Variants in UBE2F observed in about 807,000 individuals in gnomAD.
UBE2F encodes ubiquitin conjugating enzyme E2 F (putative).
UBE2F carries 5 observed loss-of-function variants against 29.6 expected under a neutral mutation model. The observed-to-expected ratio is 0.17, with a 90% confidence interval of 0.09 to 0.36. The LOEUF is 0.36. Among genes scored for constraint, UBE2F ranks in the 10% least tolerant of loss-of-function variants. The pLI, the probability that UBE2F is intolerant of heterozygous loss-of-function variation, is 1.00. For missense variants in UBE2F, 141 were observed against 228.5 expected (o/e 0.62, Z 2.47); for synonymous variants, 66 against 81.8 (o/e 0.81, Z 1.04).
chr2:238,003,254 T>C (rs1377363565), intron 4 of UBE2F: 1 of 366,886 alleles, frequency 2.7e-6, no homozygotes, highest in Non-Finnish European at 5.8e-6. Context: ...CCAATTTTCT[T>C]GCGATGTAGA....
At chr2:237,986,142 C>CTTTT (rs66771814) in intron 2 of UBE2F, 17 of 261,070 alleles carry the variant, frequency 6.5e-5, no homozygotes, top group South Asian at 1.4e-4. Context: ...CTTTTCTTTT[C>CTTTT]TTTTTTTTTT....
chr2:237,969,836 TG>T (rs1310240010), intron 1 of UBE2F, among the ~76,000 whole-genome samples: 3 of 152,188 alleles, frequency 2.0e-5, no homozygotes, highest in Non-Finnish European at 4.4e-5. Flanking sequence ...ACTATTTGCC[TG>T]TGAAGTAACT....
chr2:237,993,018 C>T (rs545738983), intron 3 of UBE2F, among the ~76,000 whole-genome samples: 1 of 150,222 alleles, frequency 6.7e-6, no homozygotes, highest in Admixed American at 6.6e-5. Flanking sequence ...GATGGAGTCT[C>T]GCTTTGTTGC....
chr2:237,973,292 T>C, intron 2 of UBE2F, 67 bp downstream of exon 2: 1 of 1,565,698 alleles, frequency 6.4e-7, no homozygotes. Flanking sequence ...GGAGAGTCTT[T>C]GGGGATATAA....
At chr2:237,976,008 T>C (rs60335796) in intron 2 of UBE2F, among the ~76,000 whole-genome samples, 3,768 of 152,316 alleles carry the variant, frequency 0.025, 157 homozygotes, top group African/African-American at 0.086. Flanking sequence ...GCCTGATGAT[T>C]GGTTGAAAGT....
intron 8 of UBE2F, 64 bp downstream of exon 8, chr2:238,032,318 C>T (rs1444464131): frequency 1.4e-5 from 19 of 1,363,380 alleles, no homozygotes; most frequent in South Asian, 1.3e-4. Flanking sequence ...TTAGACATTG[C>T]GTTAAGACAT....
intron 4 of UBE2F, among the ~76,000 whole-genome samples, chr2:237,998,258 A>C (rs1431599286): frequency 1.3e-5 from 2 of 152,112 alleles, no homozygotes; most frequent in Non-Finnish European, 2.9e-5. Context: ...ATAAAGATGA[A>C]AAACATTTCC....
chr2:237,995,857 C>T (rs2063681261), intron 4 of UBE2F, among the ~76,000 whole-genome samples: 1 of 152,162 alleles, frequency 6.6e-6, no homozygotes, highest in African/African-American at 2.4e-5. Context: ...ACTGATTCTT[C>T]TAAGATAAGG....
chr2:237,991,822 G>A (rs758039768), intron 3 of UBE2F, among the ~76,000 whole-genome samples: 7 of 150,190 alleles, frequency 4.7e-5, no homozygotes, highest in African/African-American at 1.2e-4. Context: ...GGCGTGAGCC[G>A]CTGCGCCTGG....
At chr2:238,008,226 T>G (rs953026002) in intron 4 of UBE2F, among the ~76,000 whole-genome samples, 1 of 152,202 alleles carries the variant, frequency 6.6e-6, no homozygotes, top group African/African-American at 2.4e-5. Context: ...CCCAAAGTGC[T>G]GAGATTACAG....
chr2:238,040,646 G>A lies in UBE2F; in HGVS notation c.508-642G>A, dbSNP rs2064818514. ...ACCAGATCCAGGGACAAACCTGACA[G>A]TGGCCCAGATCCGAGAAGATTGTTC... is the stretch of plus-strand genomic sequence containing the variant. On this transcript the variant is annotated intron_variant, in intron 9 of 9. Transcript: ENST00000272930. The surrounding 1 kb of genome is among the most constrained non-coding windows in gnomAD (Gnocchi z 4.4). 6.6e-6 allele frequency among the ~76,000 whole-genome samples: 1 copy of A among 152,202 alleles called. No individual in the cohort carries two copies. The highest frequency in any genetic ancestry group is 2.4e-5 in the African/African-American group (1 of 41,442).
intron 1 of UBE2F, among the ~76,000 whole-genome samples, chr2:237,969,666 G>C (rs1559195950): frequency 6.6e-6 from 1 of 152,160 alleles, no homozygotes; most frequent in African/African-American, 2.4e-5. Context: ...TCTGCACACG[G>C]GGCAGCAGAC....
chr2:238,023,455 C>T (rs1191653614), intron 5 of UBE2F, among the ~76,000 whole-genome samples: 1 of 152,076 alleles, frequency 6.6e-6, no homozygotes, highest in East Asian at 1.9e-4. Context: ...GAAGAATGCT[C>T]ATTATAGTGT....
intron 4 of UBE2F, among the ~76,000 whole-genome samples, chr2:238,007,880 T>C (rs961573390): frequency 3.3e-5 from 5 of 152,214 alleles, no homozygotes; most frequent in African/African-American, 1.2e-4. Context: ...GTCAAGGTAA[T>C]GCATTCTGGT....
At chr2:237,986,660 C>G (rs1365517438) in intron 2 of UBE2F, among the ~76,000 whole-genome samples, 5 of 152,132 alleles carry the variant, frequency 3.3e-5, no homozygotes. Context: ...ACATTTAAGT[C>G]TTTAATTCAT....
chr2:238,029,258 A>C (rs962800480), intron 6 of UBE2F, among the ~76,000 whole-genome samples: 14 of 143,722 alleles, frequency 9.7e-5, no homozygotes, highest in Non-Finnish European at 1.5e-4. Flanking sequence ...TTTTATCCTC[A>C]AGCTTTTTCT....
intron 2 of UBE2F, 117 bp downstream of exon 2, chr2:237,973,342 T>C: frequency 8.4e-7 from 1 of 1,189,032 alleles, no homozygotes; most frequent in Non-Finnish European, 1.2e-6. Flanking sequence ...TTTAAAAGAT[T>C]TTAAAATATA....
intron 8 of UBE2F, 84 bp from the exon 9 acceptor site, chr2:238,035,794 T>G: frequency 8.8e-7 from 1 of 1,134,352 alleles, no homozygotes; most frequent in South Asian, 1.4e-5. Flanking sequence ...TAATTAGACT[T>G]CTCTTACTGT....
chr2:238,000,475 C>G (rs974550748), intron 4 of UBE2F, among the ~76,000 whole-genome samples: 1 of 151,942 alleles, frequency 6.6e-6, no homozygotes, highest in African/African-American at 2.4e-5. Flanking sequence ...TGAGTTTCAC[C>G]CATGTTGTTA....
Sources: allele counts gnomAD v4.1 joint callset (sites outside exome capture counted in the v4.1 genomes callset), GRCh38; gene constraint gnomAD v4.1.1; non-coding constraint Gnocchi (gnomAD v3.1); transcripts MANE v1.5; gene names NCBI Gene and HGNC (gene_info 2026-07-23, HGNC 2026-07-21).